KLHL8: variants seen among roughly 807,000 people sequenced by gnomAD.
KLHL8 encodes the protein kelch-like protein 8.
KLHL8 carries 38 observed loss-of-function variants against 63.5 expected under a neutral mutation model. The observed-to-expected ratio is 0.60, with a 90% confidence interval of 0.46 to 0.78. The LOEUF is 0.78. KLHL8 is among the 30% of genes least tolerant of loss of function. KLHL8 has a pLI of 0.00. For missense variants in KLHL8, 566 were observed against 752.4 expected, an observed-to-expected ratio of 0.75 and a Z score of 2.90; for synonymous variants, 224 against 254.3, an observed-to-expected ratio of 0.88 and a Z score of 1.13.
At position 87,160,691 on chromosome 4, in the gene KLHL8, T is replaced by G. The variant is rs1730124892; in HGVS notation, c.*2828A>C. ...TTGTTTTTAAAGTGGCAACGCAATA[T>G]AGTAAAGCAATGGCTTTAATGACTA... On this transcript the variant is annotated 3_prime_UTR_variant, in exon 10 of 10. Coordinates refer to ENST00000273963, the MANE Select transcript of KLHL8 (RefSeq NM_020803.5). 1 of 152,206 alleles carries G rather than the reference T, an allele frequency of 6.6e-6. No homozygotes were observed. The highest frequency in any genetic ancestry group is 1.5e-5 in the Non-Finnish European group (1 of 68,022). 9.4% of individuals were successfully genotyped at this position (152,206 alleles called of 1,614,324 possible).
intron 8 of KLHL8, 143 bp from the exon 9 acceptor site, chr4:87,164,222 A>G: frequency 1.5e-6 from 1 of 678,096 alleles, no homozygotes; most frequent in Non-Finnish European, 2.5e-6. Context: ...ATTCATCCCA[A>G]TACCTGTCTA....
chr4:87,215,348 C>A (rs951422189), intron 1 of KLHL8, among the ~76,000 whole-genome samples: 3 of 152,166 alleles, frequency 2.0e-5, no homozygotes, highest in African/African-American at 4.8e-5. Flanking sequence ...TACTACTAAT[C>A]TTTGAGGTCT....
chr4:87,190,332 C>A (rs1731432625), intron 2 of KLHL8, among the ~76,000 whole-genome samples: 1 of 151,986 alleles, frequency 6.6e-6, no homozygotes, highest in African/African-American at 2.4e-5. Flanking sequence ...TAATAATAAT[C>A]TTGATACTTC....
intron 1 of KLHL8, among the ~76,000 whole-genome samples, chr4:87,209,366 T>C (rs1732294720): frequency 6.6e-6 from 1 of 152,072 alleles, no homozygotes; most frequent in Non-Finnish European, 1.5e-5. Context: ...GTTGGCATAT[T>C]ATGACAATGA....
chr4:87,189,798 G>A (rs1003083989), intron 2 of KLHL8, among the ~76,000 whole-genome samples: 3 of 151,900 alleles, frequency 2.0e-5, no homozygotes, highest in Admixed American at 6.5e-5. Flanking sequence ...GATCCACCGA[G>A]GAGGGCGGAT....
At chr4:87,192,756 T>A (rs574893723) in intron 2 of KLHL8, among the ~76,000 whole-genome samples, 84 of 152,326 alleles carry the variant, frequency 5.5e-4, no homozygotes, top group African/African-American at 1.9e-3. Context: ...ATACCTGGGC[T>A]ATATGGTACA....
At chr4:87,191,121 CAAATA>C (rs1211246760) in intron 2 of KLHL8, among the ~76,000 whole-genome samples, 2 of 151,988 alleles carry the variant, frequency 1.3e-5, no homozygotes, top group African/African-American at 4.8e-5. Context: ...ATATAATATA[CAAATA>C]AAATAACATT....
intron 1 of KLHL8, among the ~76,000 whole-genome samples, chr4:87,201,742 T>G (rs567561646): frequency 6.6e-6 from 1 of 152,286 alleles, no homozygotes; most frequent in Non-Finnish European, 1.5e-5. Flanking sequence ...ACTCTCCAAA[T>G]GCTTACAAAT....
intron 8 of KLHL8, among the ~76,000 whole-genome samples, chr4:87,164,971 AC>A (rs959702028): frequency 4.2e-4 from 64 of 152,012 alleles, no homozygotes; most frequent in Admixed American, 1.2e-3. Context: ...ACACGGTGAA[AC>A]CCCGTCTCTA....
rs1020468198 is a variant in KLHL8, at chr4:87,160,324, G to T, written c.*3195C>A. Reference sequence around the variant, plus strand: ...GAAGGGGAAAGAGACATAGCCAATGGCATCCCAGTAATAATTTCTTTACAC... The same window carrying T: ...GAAGGGGAAAGAGACATAGCCAATGTCATCCCAGTAATAATTTCTTTACAC... On this transcript the variant is annotated 3_prime_UTR_variant, in exon 10 of 10. Coordinates refer to ENST00000273963, the MANE Select transcript of KLHL8 (RefSeq NM_020803.5). The T allele has an allele frequency of 1.3e-5, 2 of 152,062 alleles. No individual in the cohort carries two copies. The highest frequency in any genetic ancestry group is 2.9e-5 in the Non-Finnish European group (2 of 67,980). 9.4% of individuals were successfully genotyped at this position (152,062 alleles called of 1,614,324 possible).
At chr4:87,207,585 C>T in intron 1 of KLHL8, 1 of 1,199,642 alleles carries the variant, frequency 8.3e-7, no homozygotes, top group Non-Finnish European at 1.2e-6. Context: ...TCCATGACAA[C>T]TTTGGTATCG....
intron 2 of KLHL8, among the ~76,000 whole-genome samples, chr4:87,192,529 T>C (rs557655605): frequency 6.6e-6 from 1 of 152,312 alleles, no homozygotes; most frequent in South Asian, 2.1e-4. Flanking sequence ...AGTATGGTAA[T>C]AGGCTACGCA....
chr4:87,169,990 G>A (rs1730574349), intron 8 of KLHL8, 89 bp downstream of exon 8: 1 of 1,022,702 alleles, frequency 9.8e-7, no homozygotes, highest in Non-Finnish European at 1.5e-6. Context: ...TTCTACTTAA[G>A]GCTAAATGCA....
chr4:87,234,839 G>A (rs559000586), intron 1 of KLHL8, among the ~76,000 whole-genome samples: 37 of 152,280 alleles, frequency 2.4e-4, no homozygotes, highest in African/African-American at 7.9e-4. Context: ...GCAAGATGTG[G>A]AGATGAAGAC....
chr4:87,236,866 G>A lies in KLHL8; in HGVS notation n.57+3392C>T, dbSNP rs551401980. On this transcript the variant is annotated intron_variant and non_coding_transcript_variant, in intron 1 of 1. Coordinates refer to the KLHL8 transcript ENST00000506274. ...TTTAGTAGAGACGGGGTTTCTCTATGTTGGTCAGGCTGGTCTCGAACTCCT... is the reference window on the plus strand; with the variant it reads ...TTTAGTAGAGACGGGGTTTCTCTATATTGGTCAGGCTGGTCTCGAACTCCT... 8.6e-5 allele frequency among the ~76,000 whole-genome samples: 13 copies of A among 151,928 alleles called. 1 individual carries two copies. In the East Asian group the frequency reaches 2.3e-3, roughly 27 times the overall value.
chr4:87,209,190 T>TA lies in KLHL8; in HGVS notation c.-152+11227dup, dbSNP rs70957212. 5.7e-3 allele frequency among the ~76,000 whole-genome samples: 868 copies of TA among 152,188 alleles called. 12 individuals carry two copies. Among genetic ancestry groups the TA allele is most frequent in the African/African-American group, 0.02 (813 of 41,544 alleles). ...GAATTTAAAACAATCAGAATTTTTT[T>TA]AAAAATATGCCTAAGATTCTGATTT... On this transcript the variant is annotated intron_variant, in intron 1 of 9. Coordinates refer to ENST00000273963, the MANE Select transcript of KLHL8 (RefSeq NM_020803.5).
intron 1 of KLHL8, chr4:87,207,688 G>A: frequency 1.0e-6 from 1 of 989,598 alleles, no homozygotes; most frequent in African/African-American, 1.6e-5. Context: ...CAGCTGCAGG[G>A]CTCTCCAGAA....
intron 1 of KLHL8, among the ~76,000 whole-genome samples, chr4:87,219,287 A>C (rs925037315): frequency 1.8e-4 from 27 of 152,234 alleles, no homozygotes; most frequent in Non-Finnish European, 3.8e-4. Context: ...AGAGTACCGC[A>C]GGGCCAGAAC....
upstream of KLHL8, among the ~76,000 whole-genome samples, chr4:87,222,795 G>T (rs1197350477): frequency 6.6e-6 from 1 of 150,636 alleles, no homozygotes; most frequent in Non-Finnish European, 1.5e-5. Context: ...TGTTGGCCAG[G>T]CTGGTCTCGA....
Sources: allele counts gnomAD v4.1 joint callset (sites outside exome capture counted in the v4.1 genomes callset), GRCh38; gene constraint gnomAD v4.1.1; transcripts MANE v1.5; gene names NCBI Gene and HGNC (gene_info 2026-07-23, HGNC 2026-07-21).